The following PLEC variants were observed in gnomAD, a reference collection of about 807,000 sequenced individuals.
The protein encoded by PLEC is hemidesmosomal protein 1.
In PLEC, 216 loss-of-function variants were observed where a neutral mutation model predicts 392.8. The ratio of observed to expected loss-of-function variants is 0.55; its 90% confidence interval spans 0.49 to 0.62. The LOEUF is 0.62. Ranked by LOEUF, PLEC falls within the 20% of genes least tolerant of loss-of-function variation. PLEC has a pLI of 0.00. For missense variants in PLEC, 6,863 were observed against 6,563.4 expected (o/e 1.05, Z -1.58); for synonymous variants, 3,621 against 2,980.6 (o/e 1.21, Z -7.00).
Position 143,935,205 on chromosome 8 carries a change from G to T in PLEC, c.711C>A (p.Asp237Glu). Residue 237 changes from aspartate to glutamate, a missense_variant, in exon 7 of 32, where the codon GAC becomes GAA. Transcript: ENST00000345136. Reference sequence around the variant, plus strand: ...AAGGCCACGCAGACGTACCCTCAGGGTCCAGGAGCCGCGTCACTCCCAGGT... The same window carrying T: ...AAGGCCACGCAGACGTACCCTCAGGTTCCAGGAGCCGCGTCACTCCCAGGT... Reference protein sequence around the residue: ...ERDLGVTRLLDPEDVDVPQPD... With the variant: ...ERDLGVTRLLEPEDVDVPQPD... 1.2e-6 allele frequency: 2 copies of T among 1,612,552 alleles called. No homozygotes were observed. The highest frequency in any genetic ancestry group is 1.7e-6 in the Non-Finnish European group (2 of 1,179,768).
At chr8:143,939,662 A>C (rs2132335248), upstream of PLEC, 1 of 1,407,402 alleles carries the variant, frequency 7.1e-7, no homozygotes, top group Non-Finnish European at 9.2e-7. Flanking sequence ...CCGAGGCCCC[A>C]CCCTGCCCAG....
chr8:143,923,114 T>A lies in PLEC; in HGVS notation c.6815A>T (p.Lys2272Met), dbSNP rs376296738. Residue 2272 changes from lysine to methionine, a missense_variant, in exon 31 of 32, where the codon AAG becomes ATG. Transcript: ENST00000345136. ...TQRFLQEEAE[K>M]MKQVAEEAAR... ...GGCCTCCTCCGCCACCTGCTTCATCTTCTCAGCCTCCTCCTGCAGGAAGCG... is the reference window on the plus strand; with the variant it reads ...GGCCTCCTCCGCCACCTGCTTCATCATCTCAGCCTCCTCCTGCAGGAAGCG... 4 of 1,605,294 alleles carry A rather than the reference T, an allele frequency of 2.5e-6. No individual in the cohort carries two copies. Among genetic ancestry groups the A allele is most frequent in the Non-Finnish European group, 2.5e-6 (3 of 1,179,850 alleles).
In PLEC at chr8:143,927,526, C is replaced by T. The variant is rs922709138; in HGVS notation, c.3640G>A (p.Glu1214Lys). Residue 1214 changes from glutamate (E) to lysine (K), a missense_variant, in exon 27 of 32, where the codon GAG (glutamate) becomes AAG (lysine). Physicochemically the swap from Glu to Lys is moderately conservative, Grantham distance 56. Coordinates refer to ENST00000345136, the MANE Select transcript of PLEC (RefSeq NM_201384.3). ...CAGGCGCCCAAGGGGTCTGCACTCT[C>T]GCGGTAGTAACGCAGCTGGCGGCCC... ...QLGRQLRYYR[E>K]SADPLGAWLQ... 33 of 1,597,248 alleles carry T rather than the reference C, an allele frequency of 2.1e-5. No individual in the cohort carries two copies. The highest frequency in any genetic ancestry group is 2.5e-5 in the Non-Finnish European group (30 of 1,179,002).
Position 143,921,927 on chromosome 8 carries a change from C to G in PLEC, c.7894G>C (p.Ala2632Pro), listed in dbSNP as rs1822903924. 6.3e-7 allele frequency: 1 copy of G among 1,599,346 alleles called. No homozygotes were observed. The highest frequency in any genetic ancestry group is 8.5e-7 in the Non-Finnish European group (1 of 1,179,808). ...GCCTCTGCCGCGGGGCCATCAAGTGCATCCCGGCCATTGGGCAGGGTCTTT... is the reference window on the plus strand; with the variant it reads ...GCCTCTGCCGCGGGGCCATCAAGTGGATCCCGGCCATTGGGCAGGGTCTTT... ...ATKTLPNGRD[A>P]LDGPAAEAEP... The change falls in exon 32 of 32, where the codon GCA becomes CCA. Residue 2632 changes from alanine (A) to proline (P), a missense_variant. Physicochemically the swap from Ala to Pro is conservative, Grantham distance 27. Transcript: ENST00000345136.
chr8:143,937,712 T>A (rs782668581), intron 3 of PLEC: 1 of 488,652 alleles, frequency 2.0e-6, no homozygotes, highest in South Asian at 1.5e-5. Context: ...CTTGGGGAGC[T>A]CCCGTGCCGC....
chr8:143,918,410 A>G lies in PLEC; in HGVS notation c.11411T>C (p.Leu3804Pro), dbSNP rs1821314879. 1 of 1,571,474 alleles carries G rather than the reference A, an allele frequency of 6.4e-7. No homozygotes were observed. Among genetic ancestry groups the G allele is most frequent in the Non-Finnish European group, 8.6e-7 (1 of 1,162,828 alleles). The stretch of plus-strand genomic sequence containing the variant: ...GGGGTCCACGATGCCGCCGGTGGCC[A>G]GCTGGGCATCCAGCAGCCGCAGGGC... Reference protein sequence around the residue: ...EEALRLLDAQLATGGIVDPRL... With the variant: ...EEALRLLDAQPATGGIVDPRL... The change falls in exon 32 of 32, where the codon CTG becomes CCG. Residue 3804 changes from leucine (L) to proline (P), a missense_variant. Leu to Pro is a moderately conservative substitution (Grantham distance 98). Transcript: ENST00000345136.
At chr8:143,961,929 C>T (rs1832889467) in intron 1 of PLEC, among the ~76,000 whole-genome samples, 1 of 152,138 alleles carries the variant, frequency 6.6e-6, no homozygotes, top group South Asian at 2.1e-4. Context: ...ACCTCAGGCT[C>T]CCAAAGTGCT....
chr8:143,922,500 G>C lies in PLEC; in HGVS notation c.7425+4C>G. 2 of 1,607,674 alleles carry C rather than the reference G, an allele frequency of 1.2e-6. No homozygotes were observed. The highest frequency in any genetic ancestry group is 2.2e-5 in the East Asian group (1 of 44,876). ...CCGCCCGTCGCACGTAGAGGGGGCG[G>C]TACCTCCTCAGACTTGAGCTGCAGC... On this transcript the variant is annotated splice_donor_region_variant and intron_variant, in intron 31 of 31. Transcript: ENST00000345136.
Position 143,918,887 on chromosome 8 carries a change from C to T in PLEC, c.10934G>A (p.Arg3645His), listed in dbSNP as rs374762979. The T allele has an allele frequency of 1.6e-5, 26 of 1,612,046 alleles. No homozygotes were observed. The highest frequency in any genetic ancestry group is 2.7e-5 in the African/African-American group (2 of 74,932). Residue 3645 changes from arginine (R) to histidine (H), a missense_variant, in exon 32 of 32, where the codon CGC becomes CAC. Arg to His is a conservative substitution (Grantham distance 29). Coordinates refer to ENST00000345136, the MANE Select transcript of PLEC (RefSeq NM_201384.3). The stretch of plus-strand genomic sequence containing the variant: ...GAACAGGTCCTCAGCCGTGAGGCGG[C>T]GGCGCACGTAGTCGTAGGAGGCCAG... The part of the protein sequence containing the change: ...QGLASYDYVR[R>H]RLTAEDLFEA...
rs1383392355 is a variant in PLEC, at chr8:143,923,206, G to A, written c.6723C>T (p.Ser2241=). 6.2e-7 allele frequency: 1 copy of A among 1,602,868 alleles called. No homozygotes were observed. Among genetic ancestry groups the A allele is most frequent in the Non-Finnish European group, 8.5e-7 (1 of 1,179,888 alleles). Residue 2241 remains serine (S), a synonymous_variant, in exon 31 of 32, where the codon AGC becomes AGT. Coordinates refer to ENST00000345136, the MANE Select transcript of PLEC (RefSeq NM_201384.3). ...FSVRVQMEEL[S]KLKARIEAEN... is the part of the protein sequence containing the mutation. ...CAGCCTCGATGCGTGCCTTGAGCTT[G>A]CTCAGCTCCTCCATCTGCACGCGCA... is the stretch of plus-strand genomic sequence containing the variant.
chr8:143,924,774 G>C lies in PLEC; in HGVS notation c.5155C>G (p.Arg1719Gly). 1.3e-6 allele frequency: 2 copies of C among 1,535,246 alleles called. No individual in the cohort carries two copies. The highest frequency in any genetic ancestry group is 1.7e-6 in the Non-Finnish European group (2 of 1,146,510). Residue 1719 changes from arginine (R) to glycine (G), a missense_variant, in exon 31 of 32, where the codon CGG becomes GGG. Transcript: ENST00000345136. The part of the protein sequence containing the change: ...LAAEQELIRL[R>G]AETEQGEQQR... Reference sequence around the variant, plus strand: ...TGCTCCCCCTGCTCCGTCTCGGCCCGCAGCCGGATCAACTCCTGCTCCGCG... The same window carrying C: ...TGCTCCCCCTGCTCCGTCTCGGCCCCCAGCCGGATCAACTCCTGCTCCGCG...
chr8:143,922,155 G>A lies in PLEC; in HGVS notation c.7666C>T (p.Arg2556Trp), dbSNP rs781882121. The change falls in exon 32 of 32, where the codon CGG (arginine) becomes TGG (tryptophan). Residue 2556 changes from arginine (R) to tryptophan (W), a missense_variant. By Grantham distance (101) the Arg-to-Trp change is moderately radical. Transcript: ENST00000345136. ...TCCTCGGCCTCATGCTGCCGCCGCC[G>A]CGCCTCCTCCATGCTGGCCACCAGC... ...QRLVASMEEA[R>W]RRQHEAEEGV... The A allele has an allele frequency of 6.2e-5, 96 of 1,540,300 alleles. No homozygotes were observed. Among genetic ancestry groups the A allele is most frequent in the East Asian group, 1.2e-4 (5 of 41,152 alleles).
Position 143,927,869 on chromosome 8 carries a change from G to C in PLEC, c.3384C>G (p.Thr1128=), listed in dbSNP as rs782032897. 7 of 1,590,234 alleles carry C rather than the reference G, an allele frequency of 4.4e-6. No individual in the cohort carries two copies. Among genetic ancestry groups the C allele is most frequent in the Non-Finnish European group, 6.0e-6 (7 of 1,169,000 alleles). The part of the protein sequence containing the change: ...VPATLPELEA[T]KASLKKLRAQ... The stretch of plus-strand genomic sequence containing the variant: ...GAAACGATACCTTCAGAGAGGCCTT[G>C]GTGGCCTCGAGCTCCGGGAGGGTGG... Residue 1128 remains threonine (T), a synonymous_variant, in exon 26 of 32, where the codon ACC becomes ACG. Coordinates refer to ENST00000345136, the MANE Select transcript of PLEC (RefSeq NM_201384.3).
At chr8:143,974,785 G>T (rs1833599456), upstream of PLEC, among the ~76,000 whole-genome samples, 1 of 152,212 alleles carries the variant, frequency 6.6e-6, no homozygotes, top group Non-Finnish European at 1.5e-5. This position sits in a 1 kb window ranked among gnomAD's most constrained non-coding sequence, Gnocchi z 5.9. Context: ...CCTGGCTCAG[G>T]AAGAGGCTGG....
Position 143,925,162 on chromosome 8 carries a change from C to G in PLEC, c.4767G>C (p.Thr1589=), listed in dbSNP as rs782749934. Residue 1589 remains threonine (T), a synonymous_variant, in exon 31 of 32, where the codon ACG becomes ACC. Coordinates refer to ENST00000345136, the MANE Select transcript of PLEC (RefSeq NM_201384.3). Reference sequence around the variant, plus strand: ...CCTGCAGGGAGCGCTCCAGCTGTGCCGTCTTCTCGGCGAAGGAGGCGCGTT... The same window carrying G: ...CCTGCAGGGAGCGCTCCAGCTGTGCGGTCTTCTCGGCGAAGGAGGCGCGTT... ...QSKRASFAEK[T]AQLERSLQEE... 3 of 1,559,680 alleles carry G rather than the reference C, an allele frequency of 1.9e-6. No individual in the cohort carries two copies. Among genetic ancestry groups the G allele is most frequent in the Non-Finnish European group, 2.6e-6 (3 of 1,160,858 alleles).
rs376614483 is a variant in PLEC at position 143,923,569 on chromosome 8, C to G, written c.6360G>C (p.Ser2120=). The part of the protein sequence containing the change: ...QVEEAERLKQ[S]AEEQAQARAQ... ...CCCGGGCCTGTGCCTGCTCCTCTGCCGACTGCTTCAGCCGCTCGGCCTCTT... is the reference window on the plus strand; with the variant it reads ...CCCGGGCCTGTGCCTGCTCCTCTGCGGACTGCTTCAGCCGCTCGGCCTCTT... Residue 2120 remains serine (S), a synonymous_variant, in exon 31 of 32, where the codon TCG becomes TCC. Coordinates refer to ENST00000345136, the MANE Select transcript of PLEC (RefSeq NM_201384.3). 6.3e-7 allele frequency: 1 copy of G among 1,597,366 alleles called. No individual in the cohort carries two copies. Among genetic ancestry groups the G allele is most frequent in the African/African-American group, 1.3e-5 (1 of 74,844 alleles).
At chr8:143,945,126 C>T in intron 1 of PLEC, 1 of 413,838 alleles carries the variant, frequency 2.4e-6, no homozygotes, top group South Asian at 1.8e-5. Flanking sequence ...AGAGGCCGCC[C>T]ATTCTCCCAG....
Position 143,933,991 on chromosome 8 carries a change from C to CTGCTGCCTCACCGACTG in PLEC, c.1263+6_1263+7insCAGTCGGTGAGGCAGCA, listed in dbSNP as rs782710802. On this transcript the variant is annotated splice_region_variant and intron_variant, in intron 12 of 31. Coordinates refer to ENST00000345136, the MANE Select transcript of PLEC (RefSeq NM_201384.3). The stretch of plus-strand genomic sequence containing the variant: ...TCCCGCCCACTGCCTGCCCCACACC[C>CTGCTGCCTCACCGACTG]CCTCACCGACTGCAGCAGGGCGTCG... 1 of 1,607,552 alleles carries CTGCTGCCTCACCGACTG rather than the reference C, an allele frequency of 6.2e-7. No individual in the cohort carries two copies. The highest frequency in any genetic ancestry group is 1.3e-5 in the African/African-American group (1 of 74,706).
Position 143,920,986 on chromosome 8 carries a change from G to C in PLEC, c.8835C>G (p.Phe2945Leu), listed in dbSNP as rs1327652702. Residue 2945 changes from phenylalanine (F) to leucine (L), a missense_variant, in exon 32 of 32, where the codon TTC becomes TTG. By Grantham distance (22) the Phe-to-Leu change is conservative. Transcript: ENST00000345136. ...AEQRRDLLRQ[F>L]RTGRITVEKI... Reference sequence around the variant, plus strand: ...TCTCCACTGTGATCCGGCCCGTGCGGAACTGCCGCAGCAGGTCCCGCCGCT... The same window carrying C: ...TCTCCACTGTGATCCGGCCCGTGCGCAACTGCCGCAGCAGGTCCCGCCGCT... 20 of 1,613,004 alleles carry C rather than the reference G, an allele frequency of 1.2e-5. No homozygotes were observed. Among genetic ancestry groups the C allele is most frequent in the South Asian group, 3.3e-5 (3 of 91,092 alleles).
Sources: gnomAD v4.1 joint callset for allele counts (sites outside exome capture counted in the v4.1 genomes callset) on GRCh38, gnomAD v4.1.1 for gene constraint, Gnocchi (gnomAD v3.1) non-coding constraint, MANE v1.5 for transcripts, NCBI Gene and HGNC (gene_info 2026-07-23, HGNC 2026-07-21) for gene names.